MATCAP1: variants seen among roughly 807,000 people sequenced by gnomAD.
MATCAP1 encodes the protein microtubule associated tyrosine carboxypeptidase 1, also known as microtubule-associated tyrosine carboxypeptidase 1.
At chr16:67,183,212 T>A in the MATCAP1 span, 1 of 152,112 alleles carries the variant, frequency 6.6e-6, no homozygotes, top group Admixed American at 6.5e-5. Flanking sequence ...CCTTTACAGG[T>A]TTCTGCTTGG....
At chr16:67,181,575 G>C in the MATCAP1 span, 1 of 152,216 alleles carries the variant, frequency 6.6e-6, no homozygotes, top group African/African-American at 2.4e-5. Flanking sequence ...GGCTCCAGCT[G>C]CTGAGCTCCC....
chr16:67,178,806 G>A, the MATCAP1 span: 1 of 633,996 alleles, frequency 1.6e-6, no homozygotes, highest in East Asian at 3.1e-5. Context: ...AACTGACATT[G>A]CCCCCAGCCC....
the MATCAP1 span, chr16:67,176,547 G>A: frequency 2.7e-6 from 1 of 376,242 alleles, no homozygotes; most frequent in Non-Finnish European, 4.7e-6. The surrounding 1 kb of genome is among the most constrained non-coding windows in gnomAD (Gnocchi z 4.3). Context: ...CTGCCCCCAT[G>A]CCTTCCCTCT....
chr16:67,180,443 C>T, the MATCAP1 span: 147,966 of 1,609,418 alleles, frequency 0.092, 12,414 homozygotes, highest in African/African-American at 0.44. Flanking sequence ...GGGGCTGCAG[C>T]GCTGGGGGGA....
At chr16:67,177,888 G>A in the MATCAP1 span, 4 of 801,694 alleles carry the variant, frequency 5.0e-6, no homozygotes, top group Non-Finnish European at 6.2e-6. Flanking sequence ...TTCCACCCAC[G>A]CTCCCCCCTA....
the MATCAP1 span, among the ~76,000 whole-genome samples, chr16:67,183,083 C>T: frequency 6.6e-6 from 1 of 151,938 alleles, no homozygotes; most frequent in South Asian, 2.1e-4. Flanking sequence ...CCTATCTAGA[C>T]TTCATCTTCC....
At chr16:67,177,373 G>A in the MATCAP1 span, among the ~76,000 whole-genome samples, 3 of 152,144 alleles carry the variant, frequency 2.0e-5, no homozygotes. Flanking sequence ...AGATTCCCGG[G>A]AGGGGGCTTG....
At chr16:67,177,192 C>A in the MATCAP1 span, among the ~76,000 whole-genome samples, 1 of 152,186 alleles carries the variant, frequency 6.6e-6, no homozygotes, top group Non-Finnish European at 1.5e-5. Flanking sequence ...TGCCCTACAA[C>A]CCCACTTCTC....
chr16:67,179,419 C>A, the MATCAP1 span: 1 of 1,600,780 alleles, frequency 6.2e-7, no homozygotes, highest in Non-Finnish European at 8.5e-7. The surrounding 1 kb of genome is among the most constrained non-coding windows in gnomAD (Gnocchi z 5.2). Context: ...CCCGGATACC[C>A]ACACCCTGAC....
At chr16:67,180,477 A>G in the MATCAP1 span, 4 of 1,603,434 alleles carry the variant, frequency 2.5e-6, no homozygotes, top group Non-Finnish European at 3.4e-6. Flanking sequence ...GGGCAAGGCC[A>G]GGGACTGAGA....
the MATCAP1 span, chr16:67,176,500 A>C: frequency 3.5e-6 from 1 of 281,764 alleles, no homozygotes; most frequent in Non-Finnish European, 6.6e-6. The surrounding 1 kb of genome is among the most constrained non-coding windows in gnomAD (Gnocchi z 4.3). Flanking sequence ...TTCTATTCCC[A>C]AACCACCCCC....
At chr16:67,182,017 G>A in the MATCAP1 span, among the ~76,000 whole-genome samples, 10 of 152,244 alleles carry the variant, frequency 6.6e-5, no homozygotes, top group South Asian at 1.0e-3. Context: ...TTGGGAGGCC[G>A]AGGCGGGCGG....
chr16:67,178,718 C>T, the MATCAP1 span: 1 of 701,848 alleles, frequency 1.4e-6, no homozygotes, highest in East Asian at 2.7e-5. Context: ...CACAGAGGCT[C>T]ACATACATGA....
the MATCAP1 span, chr16:67,176,053 CAGTGTGTGTGTG>C: frequency 3.3e-5 from 4 of 120,560 alleles, no homozygotes; most frequent in South Asian, 1.1e-3. This position sits in a 1 kb window ranked among gnomAD's most constrained non-coding sequence, Gnocchi z 4.3. Flanking sequence ...AGGCCTGAAT[CAGTGTGTGTGTG>C]TGTGTGTGTG....
At chr16:67,182,249 CAAA>C in the MATCAP1 span, among the ~76,000 whole-genome samples, 2 of 46,334 alleles carry the variant, frequency 4.3e-5, no homozygotes. Flanking sequence ...AACTCCATCT[CAAA>C]AAAAAAAAAA....
the MATCAP1 span, chr16:67,179,440 C>T: frequency 1.9e-6 from 3 of 1,610,692 alleles, no homozygotes; most frequent in Non-Finnish European, 2.5e-6. This position sits in a 1 kb window ranked among gnomAD's most constrained non-coding sequence, Gnocchi z 5.2. Context: ...CTATCTCATG[C>T]CGCAGCATGC....
At chr16:67,178,722 T>C in the MATCAP1 span, 1 of 700,296 alleles carries the variant, frequency 1.4e-6, no homozygotes, top group Non-Finnish European at 2.6e-6. Flanking sequence ...GAGGCTCACA[T>C]ACATGAATCC....
At chr16:67,179,021 G>A in the MATCAP1 span, 19 of 913,294 alleles carry the variant, frequency 2.1e-5, no homozygotes, top group South Asian at 1.7e-4. This position sits in a 1 kb window ranked among gnomAD's most constrained non-coding sequence, Gnocchi z 5.2. Context: ...TAAACCAGGT[G>A]CCATGTGTCC....
At chr16:67,179,002 G>C in the MATCAP1 span, 1 of 712,284 alleles carries the variant, frequency 1.4e-6, no homozygotes. The surrounding 1 kb of genome is among the most constrained non-coding windows in gnomAD (Gnocchi z 5.2). Flanking sequence ...AAACTGGCCA[G>C]TCCCCTCCTA....
Sources: gnomAD v4.1 joint callset for allele counts (sites outside exome capture counted in the v4.1 genomes callset) on GRCh38, gnomAD v4.1.1 for gene constraint, Gnocchi (gnomAD v3.1) non-coding constraint, MANE v1.5 for transcripts, NCBI Gene and HGNC (gene_info 2026-07-23, HGNC 2026-07-21) for gene names.